VEPH1: variants seen among roughly 807,000 people sequenced by gnomAD.
VEPH1 encodes ventricular zone-expressed PH domain-containing protein homolog 1.
Under a neutral mutation model 85.2 loss-of-function variants are expected in VEPH1, and 80 were observed. That is an observed-to-expected ratio of 0.94 (90% CI 0.78 to 1.13). The LOEUF (loss-of-function observed/expected upper bound fraction) is 1.13, where lower values mean the gene tolerates loss of function less well. Among genes scored for constraint, VEPH1 ranks in the 50% most tolerant of loss-of-function variants. The pLI is 0.00. For missense variants in VEPH1, 955 were observed against 980.5 expected, an observed-to-expected ratio of 0.97 and a Z score of 0.35; for synonymous variants, 297 against 348.0, an observed-to-expected ratio of 0.85 and a Z score of 1.63.
At chr3:157,298,698 T>C (rs2108443538) in intron 11 of VEPH1, among the ~76,000 whole-genome samples, 1 of 152,000 alleles carries the variant, frequency 6.6e-6, no homozygotes, top group South Asian at 2.1e-4. Flanking sequence ...GACCCAGAAA[T>C]GAGGCATCAA....
At chr3:157,451,862 T>TG (rs1050293926) in intron 4 of VEPH1, among the ~76,000 whole-genome samples, 11 of 152,016 alleles carry the variant, frequency 7.2e-5, no homozygotes, top group Non-Finnish European at 1.5e-4. Flanking sequence ...TACACTGAGA[T>TG]AAAAAAACAT....
intron 9 of VEPH1, among the ~76,000 whole-genome samples, chr3:157,361,932 C>T (rs1726088667): frequency 1.3e-5 from 2 of 152,122 alleles, no homozygotes; most frequent in Non-Finnish European, 2.9e-5. Context: ...ATTGATATTA[C>T]TAATTATTCC....
At chr3:157,405,391 A>T (rs1178471076) in intron 6 of VEPH1, among the ~76,000 whole-genome samples, 1 of 152,128 alleles carries the variant, frequency 6.6e-6, no homozygotes, top group Non-Finnish European at 1.5e-5. Context: ...ACGCTAAGGT[A>T]CATAGGATTA....
chr3:157,470,737 C>T (rs144897975), intron 2 of VEPH1, among the ~76,000 whole-genome samples: 7 of 152,206 alleles, frequency 4.6e-5, no homozygotes, highest in African/African-American at 1.7e-4. Context: ...TAAAATGGAG[C>T]AGGTTCTACT....
chr3:157,427,209 C>T (rs1251167494), intron 5 of VEPH1, among the ~76,000 whole-genome samples: 2 of 152,136 alleles, frequency 1.3e-5, no homozygotes, highest in African/African-American at 4.8e-5. Context: ...GTTGGTTGAA[C>T]TCCTGACCTC....
intron 9 of VEPH1, among the ~76,000 whole-genome samples, chr3:157,336,012 C>T (rs1408709277): frequency 6.6e-6 from 1 of 152,158 alleles, no homozygotes; most frequent in Non-Finnish European, 1.5e-5. Flanking sequence ...TCGTAGAATC[C>T]TCCTTCTGGC....
intron 9 of VEPH1, among the ~76,000 whole-genome samples, chr3:157,348,624 G>C (rs541409238): frequency 6.6e-6 from 1 of 152,238 alleles, no homozygotes; most frequent in African/African-American, 2.4e-5. Context: ...CTGGAAATGG[G>C]AAGTCCCTCC....
chr3:157,428,227 T>A, intron 5 of VEPH1, 95 bp downstream of exon 5: 4 of 1,329,514 alleles, frequency 3.0e-6, no homozygotes, highest in Non-Finnish European at 4.1e-6. Context: ...CATTTGTAAA[T>A]GTATGAGACA....
intron 5 of VEPH1, among the ~76,000 whole-genome samples, chr3:157,426,248 T>G (rs754732159): frequency 4.3e-4 from 65 of 152,328 alleles, no homozygotes; most frequent in Middle Eastern, 3.4e-3. Flanking sequence ...TGTCTGTGTA[T>G]CCTCCAGTTC....
At chr3:157,445,437 A>G (rs1232968867) in intron 4 of VEPH1, among the ~76,000 whole-genome samples, 1 of 152,236 alleles carries the variant, frequency 6.6e-6, no homozygotes, top group African/African-American at 2.4e-5. Context: ...CCTGGCCAAC[A>G]TGGTGAAACC....
intron 11 of VEPH1, among the ~76,000 whole-genome samples, chr3:157,309,843 G>C (rs62281378): frequency 0.46 from 70,540 of 151,888 alleles, 18,322 homozygotes; most frequent in Admixed American, 0.61. Context: ...GCAGTGGCGG[G>C]ATCTTGGCTC....
chr3:157,360,607 A>T (rs1310758878), intron 9 of VEPH1, among the ~76,000 whole-genome samples: 2 of 152,116 alleles, frequency 1.3e-5, no homozygotes. Flanking sequence ...CATTTAATAC[A>T]CTTAACCTAC....
At chr3:157,352,495 A>G (rs1724973570) in intron 9 of VEPH1, among the ~76,000 whole-genome samples, 3 of 152,244 alleles carry the variant, frequency 2.0e-5, no homozygotes, top group Admixed American at 2.0e-4. Flanking sequence ...TTTGATACAT[A>G]TTAATGAATA....
At chr3:157,290,941 G>A (rs1273357201) in intron 11 of VEPH1, among the ~76,000 whole-genome samples, 1 of 152,136 alleles carries the variant, frequency 6.6e-6, no homozygotes, top group East Asian at 1.9e-4. Flanking sequence ...TCAACGCAAT[G>A]GATTTTGTAA....
chr3:157,467,913 C>T (rs1736541748), intron 3 of VEPH1, among the ~76,000 whole-genome samples: 1 of 152,214 alleles, frequency 6.6e-6, no homozygotes, highest in Non-Finnish European at 1.5e-5. Context: ...ATGAGTTGAG[C>T]ATTTCAATTT....
intron 4 of VEPH1, chr3:157,437,850 G>A (rs1280852859): frequency 3.3e-6 from 5 of 1,497,458 alleles, no homozygotes; most frequent in Non-Finnish European, 4.4e-6. Context: ...TAGAGGAGCT[G>A]CGGCAGACGC....
chr3:157,498,963 T>C (rs1344408585), intron 1 of VEPH1, among the ~76,000 whole-genome samples: 1 of 152,154 alleles, frequency 6.6e-6, no homozygotes, highest in Non-Finnish European at 1.5e-5. Context: ...CACATCAACC[T>C]TTTTGCTAGA....
At chr3:157,459,991 C>A in intron 4 of VEPH1, 190 bp downstream of exon 4, 1 of 1,540,552 alleles carries the variant, frequency 6.5e-7, no homozygotes. Flanking sequence ...ATTCATCTGC[C>A]TTGGGAAGGG....
At chr3:157,484,847 G>A (rs1420463071) in intron 2 of VEPH1, among the ~76,000 whole-genome samples, 1 of 152,002 alleles carries the variant, frequency 6.6e-6, no homozygotes, top group East Asian at 1.9e-4. Flanking sequence ...AAATTGTGAG[G>A]GGCATCATGC....
Sources: gnomAD v4.1 joint callset for allele counts (sites outside exome capture counted in the v4.1 genomes callset) on GRCh38, gnomAD v4.1.1 for gene constraint, MANE v1.5 for transcripts, NCBI Gene and HGNC (gene_info 2026-07-23, HGNC 2026-07-21) for gene names.